SPOCK1: variants seen among roughly 807,000 people sequenced by gnomAD.
SPOCK1 encodes testican-1.
A neutral mutation model predicts 55.3 loss-of-function variants in SPOCK1; 23 were observed. The ratio of observed to expected loss-of-function variants is 0.42; its 90% CI spans 0.30 to 0.59. The LOEUF (loss-of-function observed/expected upper bound fraction) is 0.59. Ranked by LOEUF, SPOCK1 falls within the 20% of genes least tolerant of loss-of-function variation. The probability of loss-of-function intolerance (pLI) is 0.22; values close to 1 mark genes in which losing one functional copy is unlikely to be tolerated. For missense variants in SPOCK1, 499 were observed against 552.5 expected (o/e 0.90, Z 0.97); for synonymous variants, 226 against 221.0 (o/e 1.02, Z -0.20).
At chr5:137,347,341 G>A (rs182335203) in intron 2 of SPOCK1, among the ~76,000 whole-genome samples, 93 of 152,192 alleles carry the variant, frequency 6.1e-4, no homozygotes, top group Middle Eastern at 3.4e-3. Context: ...TTTCTCACGC[G>A]TCAGAGTTTA....
intron 2 of SPOCK1, among the ~76,000 whole-genome samples, chr5:137,349,183 T>C (rs991949982): frequency 6.6e-6 from 1 of 152,164 alleles, no homozygotes; most frequent in Non-Finnish European, 1.5e-5. Flanking sequence ...CAAGAACAAA[T>C]CAATAGTTTC....
At chr5:137,383,108 G>C (rs1394410543) in intron 2 of SPOCK1, among the ~76,000 whole-genome samples, 1 of 152,098 alleles carries the variant, frequency 6.6e-6, no homozygotes, top group Non-Finnish European at 1.5e-5. Context: ...TCCCATCACT[G>C]TCATTTACTG....
intron 2 of SPOCK1, among the ~76,000 whole-genome samples, chr5:137,318,226 C>T (rs1409567119): frequency 6.6e-6 from 1 of 152,134 alleles, no homozygotes; most frequent in African/African-American, 2.4e-5. Flanking sequence ...TGTCCCCCCG[C>T]TGCCTCCACA....
chr5:137,401,534 C>CT (rs1751977564), intron 2 of SPOCK1, among the ~76,000 whole-genome samples: 1 of 86,854 alleles, frequency 1.2e-5, no homozygotes, highest in South Asian at 4.4e-4. Flanking sequence ...CCAGCCTGGG[C>CT]AATATAGCAA....
At chr5:136,984,649 C>G (rs1580693492) in intron 9 of SPOCK1, among the ~76,000 whole-genome samples, 4 of 152,282 alleles carry the variant, frequency 2.6e-5, no homozygotes, top group Middle Eastern at 6.8e-3. Flanking sequence ...TGCATACTTT[C>G]CTGGAGGGAT....
intron 3 of SPOCK1, among the ~76,000 whole-genome samples, chr5:137,259,020 T>C (rs1283191140): frequency 6.6e-6 from 1 of 152,154 alleles, no homozygotes; most frequent in Non-Finnish European, 1.5e-5. Flanking sequence ...CAGAACTGAC[T>C]GAGCAGGAAG....
intron 6 of SPOCK1, among the ~76,000 whole-genome samples, chr5:136,996,112 C>A (rs2126966196): frequency 6.6e-6 from 1 of 152,268 alleles, no homozygotes; most frequent in South Asian, 2.1e-4. Context: ...AAAGTGCCTG[C>A]CTTTTAAGGT....
In SPOCK1 at chr5:137,158,343, C is replaced by T. The variant is rs556241659; in HGVS notation, c.233-17649G>A. On this transcript the variant is annotated intron_variant, in intron 3 of 10. Coordinates refer to ENST00000394945, the MANE Select transcript of SPOCK1 (RefSeq NM_004598.4). ...TCCAACCTGGGGTTTTCCAGCCTCT[C>T]GCAGGCTCTGGGAGCTTTGGATAAC... 3.2e-4 allele frequency among the ~76,000 whole-genome samples: 49 copies of T among 152,316 alleles called. No individual in the cohort carries two copies. The South Asian group carries it at 9.7e-3, about 30-fold the overall frequency.
At chr5:137,050,567 T>C (rs961867696) in intron 6 of SPOCK1, among the ~76,000 whole-genome samples, 2 of 151,452 alleles carry the variant, frequency 1.3e-5, no homozygotes, top group Non-Finnish European at 2.9e-5. Context: ...ATGAACCCGG[T>C]ACCTCAGATG....
intron 2 of SPOCK1, among the ~76,000 whole-genome samples, chr5:137,458,999 AC>A (rs920064066): frequency 6.6e-6 from 1 of 152,192 alleles, no homozygotes; most frequent in Admixed American, 6.5e-5. Flanking sequence ...TCTGTATCTT[AC>A]CATTTCCCAG....
chr5:137,401,558 C>CAAAAAAA (rs34044799), intron 2 of SPOCK1, among the ~76,000 whole-genome samples: 6 of 100,432 alleles, frequency 6.0e-5, no homozygotes, highest in Non-Finnish European at 3.8e-5. Context: ...CTCATCTCTA[C>CAAAAAAA]AAAAAAAAAA....
chr5:137,320,686 T>C (rs1757966304), intron 2 of SPOCK1, among the ~76,000 whole-genome samples: 3 of 152,074 alleles, frequency 2.0e-5, no homozygotes, highest in African/African-American at 7.2e-5. Context: ...AAATGGGAAA[T>C]TACACACACA....
At chr5:137,022,119 C>T (rs13157539) in intron 6 of SPOCK1, among the ~76,000 whole-genome samples, 4,444 of 152,080 alleles carry the variant, frequency 0.029, 240 homozygotes, top group African/African-American at 0.1. Flanking sequence ...TGATGACTTG[C>T]CAGCCTAGGT....
At chr5:137,210,822 G>A (rs1479347975) in intron 3 of SPOCK1, among the ~76,000 whole-genome samples, 1 of 152,222 alleles carries the variant, frequency 6.6e-6, no homozygotes, top group African/African-American at 2.4e-5. Context: ...TGCCAGTTAG[G>A]GAAGAGAGAT....
chr5:137,468,865 C>T (rs1056704110), intron 2 of SPOCK1, among the ~76,000 whole-genome samples: 2 of 152,022 alleles, frequency 1.3e-5, no homozygotes, highest in East Asian at 1.9e-4. Context: ...AAAGAAGGGC[C>T]GTTCCCCCCA....
chr5:137,212,262 A>G (rs1755631678), intron 3 of SPOCK1, among the ~76,000 whole-genome samples: 1 of 152,144 alleles, frequency 6.6e-6, no homozygotes, highest in Non-Finnish European at 1.5e-5. Context: ...TGGTGACTAA[A>G]GGTGAGTTAT....
intron 5 of SPOCK1, among the ~76,000 whole-genome samples, chr5:137,072,926 C>T (rs1026274166): frequency 6.6e-5 from 10 of 152,268 alleles, no homozygotes; most frequent in East Asian, 1.9e-4. Context: ...GAGGCTTTGC[C>T]GGCTTTAATA....
chr5:137,305,765 A>G (rs190678531), intron 2 of SPOCK1, among the ~76,000 whole-genome samples: 3 of 152,304 alleles, frequency 2.0e-5, no homozygotes, highest in Admixed American at 2.0e-4. Context: ...AGGCAGCCAG[A>G]GTTCCCCTGA....
chr5:137,043,729 A>T (rs570296358), intron 6 of SPOCK1, among the ~76,000 whole-genome samples: 1 of 152,316 alleles, frequency 6.6e-6, no homozygotes, highest in East Asian at 1.9e-4. Context: ...TTTAGAAAAT[A>T]CCTGACCAGT....
Sources: allele counts gnomAD v4.1 joint callset (sites outside exome capture counted in the v4.1 genomes callset), GRCh38; gene constraint gnomAD v4.1.1; transcripts MANE v1.5; gene names NCBI Gene and HGNC (gene_info 2026-07-23, HGNC 2026-07-21).